FBXO34: variants seen among roughly 807,000 people sequenced by gnomAD.
The protein encoded by FBXO34 is F-box only protein 34.
FBXO34 carries 12 observed loss-of-function variants against 24.5 expected under a neutral mutation model. That is an observed-to-expected ratio of 0.49 (90% CI 0.31 to 0.79). The LOEUF is 0.79. Ranked by LOEUF, FBXO34 falls within the 30% of genes least tolerant of loss-of-function variation. The pLI is 0.04. For missense variants in FBXO34, 823 were observed against 857.7 expected (o/e 0.96, Z 0.51); for synonymous variants, 320 against 311.9 (o/e 1.03, Z -0.27).
At chr14:55,423,456 A>G in the FBXO34 span, among the ~76,000 whole-genome samples, 2 of 152,364 alleles carry the variant, frequency 1.3e-5, no homozygotes, top group Admixed American at 1.3e-4. Context: ...TCTGCCCTTC[A>G]TAAGTAGCAA....
chr14:55,345,404 C>T (rs1259577579), intron 1 of FBXO34, among the ~76,000 whole-genome samples: 1 of 152,194 alleles, frequency 6.6e-6, no homozygotes, highest in Non-Finnish European at 1.5e-5. Flanking sequence ...AAGCATCATC[C>T]ACTTTTGAAG....
At chr14:55,372,502 G>A (rs1716951700), downstream of FBXO34, among the ~76,000 whole-genome samples, 1 of 151,910 alleles carries the variant, frequency 6.6e-6, no homozygotes, top group African/African-American at 2.4e-5. Context: ...ATCCCCCAAA[G>A]GTCCCAGTCA....
chr14:55,408,711 C>A, the FBXO34 span, among the ~76,000 whole-genome samples: 1 of 152,156 alleles, frequency 6.6e-6, no homozygotes, highest in South Asian at 2.1e-4. Context: ...TCTGAGGCTG[C>A]CGCATGCCAT....
chr14:55,276,113 G>A (rs1006208440), intron 1 of FBXO34, among the ~76,000 whole-genome samples: 1 of 152,122 alleles, frequency 6.6e-6, no homozygotes, highest in Non-Finnish European at 1.5e-5. Context: ...GGGACAACCC[G>A]AATACCTTTT....
At chr14:55,435,208 A>G in the FBXO34 span, among the ~76,000 whole-genome samples, 10,287 of 152,178 alleles carry the variant, frequency 0.068, 389 homozygotes, top group Non-Finnish European at 0.088. Context: ...CTGAGACAAC[A>G]TTTGGCAAAA....
intron 1 of FBXO34, among the ~76,000 whole-genome samples, chr14:55,289,411 GAGA>G (rs988426680): frequency 6.6e-6 from 1 of 152,132 alleles, no homozygotes; most frequent in Non-Finnish European, 1.5e-5. Flanking sequence ...TGCAAAAAAT[GAGA>G]AGTTTTCTTC....
chr14:55,292,245 A>C (rs971203608), intron 1 of FBXO34, among the ~76,000 whole-genome samples: 14 of 152,364 alleles, frequency 9.2e-5, no homozygotes, highest in African/African-American at 3.1e-4. Context: ...TTTTTTAAAT[A>C]GAATGTTAAG....
the FBXO34 span, among the ~76,000 whole-genome samples, chr14:55,396,478 AATTGCTC>A: frequency 1.3e-5 from 2 of 152,252 alleles, no homozygotes; most frequent in South Asian, 4.1e-4. Flanking sequence ...GGTAGATTTA[AATTGCTC>A]ATGAATGTGT....
downstream of FBXO34, among the ~76,000 whole-genome samples, chr14:55,366,238 A>G (rs185738751): frequency 9.2e-5 from 14 of 152,296 alleles, no homozygotes; most frequent in African/African-American, 2.9e-4. Flanking sequence ...TAATTTTAAA[A>G]AATATATTAA....
the FBXO34 span, chr14:55,411,564 C>A: frequency 6.4e-7 from 1 of 1,569,130 alleles, no homozygotes; most frequent in Non-Finnish European, 8.6e-7. Context: ...GGAGGACACA[C>A]AGCAGAAGAA....
rs761125107 is a variant in FBXO34, at chr14:55,352,433, G to T, written c.2043G>T (p.Gly681=). The T allele has an allele frequency of 3.7e-6, 6 of 1,614,216 alleles. No individual in the cohort carries two copies. The South Asian group carries it at 6.6e-5, about 18-fold the overall frequency. Residue 681 remains glycine, a synonymous_variant, in exon 2 of 2, where the codon GGG becomes GGT. Transcript: ENST00000313833. ...AAGGATTCCCTGGCTGTAAGCTGGG[G>T]CTTCATGACAATCACTGGGTTCCTG... ...SQKGFPGCKL[G]LHDNHWVPAC...
chr14:55,337,067 C>A (rs1336170334), intron 1 of FBXO34, among the ~76,000 whole-genome samples: 3 of 151,466 alleles, frequency 2.0e-5, no homozygotes, highest in African/African-American at 7.3e-5. Flanking sequence ...CCTCCACCTC[C>A]TGGACTCGAG....
At chr14:55,430,614 T>TA in the FBXO34 span, among the ~76,000 whole-genome samples, 2 of 152,014 alleles carry the variant, frequency 1.3e-5, no homozygotes, top group South Asian at 4.1e-4. Context: ...CAGGCTGGGC[T>TA]CAAACTCCAG....
intron 1 of FBXO34, among the ~76,000 whole-genome samples, chr14:55,312,726 A>T (rs1248980913): frequency 6.6e-6 from 1 of 152,242 alleles, no homozygotes; most frequent in African/African-American, 2.4e-5. Context: ...CCTGAGCTGT[A>T]CGTTGCTCCA....
chr14:55,289,050 C>CA (rs907723235), intron 1 of FBXO34, among the ~76,000 whole-genome samples: 5 of 151,204 alleles, frequency 3.3e-5, no homozygotes, highest in African/African-American at 4.9e-5. Flanking sequence ...GACTCTGTCT[C>CA]AAAAAAACAA....
chr14:55,414,616 A>G, the FBXO34 span, among the ~76,000 whole-genome samples: 7 of 152,224 alleles, frequency 4.6e-5, no homozygotes, highest in African/African-American at 1.7e-4. Flanking sequence ...TTTGGCAACT[A>G]CAGCCATATT....
chr14:55,298,241 T>C (rs1213619654), intron 1 of FBXO34, among the ~76,000 whole-genome samples: 1 of 151,518 alleles, frequency 6.6e-6, no homozygotes, highest in African/African-American at 2.4e-5. Context: ...GCTCATCAAA[T>C]ATCGTTAGTG....
chr14:55,378,145 A>G, the FBXO34 span: 2 of 1,344,274 alleles, frequency 1.5e-6, no homozygotes, highest in Non-Finnish European at 1.0e-6. Flanking sequence ...TTCCATTTAC[A>G]GTACAATTAG....
chr14:55,428,114 C>CTTTT, the FBXO34 span, among the ~76,000 whole-genome samples: 1 of 91,992 alleles, frequency 1.1e-5, no homozygotes, highest in Non-Finnish European at 2.4e-5. Flanking sequence ...TTTCACATGC[C>CTTTT]TTATCTTTTT....
Sources: gnomAD v4.1 joint callset for allele counts (sites outside exome capture counted in the v4.1 genomes callset) on GRCh38, gnomAD v4.1.1 for gene constraint, MANE v1.5 for transcripts, NCBI Gene and HGNC (gene_info 2026-07-23, HGNC 2026-07-21) for gene names.